ZNF366: variants seen among roughly 807,000 people sequenced by gnomAD.
ZNF366 encodes dendritic cell-specific transcript protein.
A neutral mutation model predicts 47.2 loss-of-function variants in ZNF366; 20 were observed. That is an observed-to-expected ratio of 0.42 (90% CI 0.30 to 0.62). The LOEUF is 0.62. Among genes scored for constraint, ZNF366 ranks in the 20% least tolerant of loss-of-function variants. The pLI is 0.16. For synonymous variants in ZNF366, 421 were observed against 395.1 expected (o/e 1.07, Z -0.78); for missense variants, 987 against 976.3 (o/e 1.01, Z -0.15).
In ZNF366 at chr5:72,449,248, G is replaced by GTTT. The variant is rs34857525; in HGVS notation, c.1525-1834_1525-1832dup. On this transcript the variant is annotated intron_variant, in intron 3 of 4. Coordinates refer to ENST00000318442, the MANE Select transcript of ZNF366 (RefSeq NM_152625.3). ...ACTTCTCCACCATCATGGCTGAAAG[G>GTTT]TTTTTTTTTTTTTTTGAGATGGAGT... is the stretch of plus-strand genomic sequence containing the variant. Among the ~76,000 whole-genome samples the GTTT allele has an allele frequency of 8.5e-4, 122 of 144,138 alleles. 2 individuals carry two copies. The highest frequency in any genetic ancestry group is 1.1e-3 in the Non-Finnish European group (70 of 66,180). 94.6% of individuals were successfully genotyped at this position (144,138 alleles called of 152,430 possible). A position where few individuals can be genotyped will look rare whatever the true frequency, so the allele number is the denominator to read the frequency against.
chr5:72,462,778 C>A (rs1039053337), intron 1 of ZNF366, among the ~76,000 whole-genome samples: 1 of 151,964 alleles, frequency 6.6e-6, no homozygotes, highest in Non-Finnish European at 1.5e-5. Flanking sequence ...CTTGAACTCC[C>A]GATCTCAAGT....
intron 1 of ZNF366, among the ~76,000 whole-genome samples, chr5:72,497,032 T>C (rs1276984918): frequency 6.6e-6 from 1 of 152,222 alleles, no homozygotes; most frequent in Non-Finnish European, 1.5e-5. Context: ...CAGATATTCT[T>C]AAAACAAGTC....
At chr5:72,466,580 G>A (rs1476116041) in intron 1 of ZNF366, among the ~76,000 whole-genome samples, 1 of 152,178 alleles carries the variant, frequency 6.6e-6, no homozygotes, top group Non-Finnish European at 1.5e-5. Flanking sequence ...TTTATTCACT[G>A]CTGCATCTTC....
intron 1 of ZNF366, among the ~76,000 whole-genome samples, chr5:72,478,768 G>A (rs1743725285): frequency 6.6e-6 from 1 of 152,204 alleles, no homozygotes; most frequent in South Asian, 2.1e-4. Flanking sequence ...ACCTGCCAGG[G>A]AACTGGCCAT....
At chr5:72,449,675 T>C (rs1405799150) in intron 3 of ZNF366, among the ~76,000 whole-genome samples, 1 of 152,256 alleles carries the variant, frequency 6.6e-6, no homozygotes, top group East Asian at 1.9e-4. Context: ...TTGCTGAGTA[T>C]AACCAGTATT....
At chr5:72,478,884 G>C (rs777393788) in intron 1 of ZNF366, among the ~76,000 whole-genome samples, 4 of 152,178 alleles carry the variant, frequency 2.6e-5, no homozygotes, top group Non-Finnish European at 5.9e-5. Context: ...TCAGTCCAAA[G>C]CCCAGGAACT....
chr5:72,471,758 C>T (rs565792403), intron 1 of ZNF366, among the ~76,000 whole-genome samples: 1 of 152,290 alleles, frequency 6.6e-6, no homozygotes, highest in African/African-American at 2.4e-5. Flanking sequence ...AACACTCAGA[C>T]AAAATTAGAC....
intron 1 of ZNF366, among the ~76,000 whole-genome samples, chr5:72,496,314 A>C (rs1428189295): frequency 6.6e-6 from 1 of 151,802 alleles, no homozygotes; most frequent in East Asian, 1.9e-4. Context: ...CCACCAATCT[A>C]TTTTCTGTCT....
In ZNF366 at chr5:72,461,319, G is replaced by T; in HGVS notation, c.178C>A (p.Pro60Thr). ...GGGAACCCATCTAGGTCTCCTGGGGGAGGTTCATACCGAAACTGGGAAAAT... is the reference window on the plus strand; with the variant it reads ...GGGAACCCATCTAGGTCTCCTGGGGTAGGTTCATACCGAAACTGGGAAAAT... ...GPFSQFRYEP[P>T]PGDLDGFPGV... The change falls in exon 2 of 5, where the codon CCC becomes ACC. Residue 60 changes from proline (P) to threonine (T), a missense_variant. By Grantham distance (38) the Pro-to-Thr change is conservative (BLOSUM62 -1). Coordinates refer to ENST00000318442, the MANE Select transcript of ZNF366 (RefSeq NM_152625.3). 6.2e-7 allele frequency: 1 copy of T among 1,614,078 alleles called. No individual in the cohort carries two copies. Among genetic ancestry groups the T allele is most frequent in the Non-Finnish European group, 8.5e-7 (1 of 1,180,030 alleles).
intron 1 of ZNF366, among the ~76,000 whole-genome samples, chr5:72,491,550 G>T (rs1241842053): frequency 6.6e-6 from 1 of 152,130 alleles, no homozygotes; most frequent in Non-Finnish European, 1.5e-5. Context: ...CTAAGCCACA[G>T]TTTCCTCCTG....
At chr5:72,474,461 A>T (rs1225792107) in intron 1 of ZNF366, among the ~76,000 whole-genome samples, 1 of 152,190 alleles carries the variant, frequency 6.6e-6, no homozygotes, top group South Asian at 2.1e-4. Flanking sequence ...TATATCTTGG[A>T]CAGGTTTGTA....
chr5:72,490,691 C>T (rs943228941), intron 1 of ZNF366, among the ~76,000 whole-genome samples: 19 of 152,180 alleles, frequency 1.2e-4, no homozygotes, highest in Non-Finnish European at 1.3e-4. Context: ...CTGTTGTGTG[C>T]TTTGCAGAAT....
chr5:72,480,164 G>T (rs975884828), intron 1 of ZNF366, among the ~76,000 whole-genome samples: 1 of 152,198 alleles, frequency 6.6e-6, no homozygotes, highest in African/African-American at 2.4e-5. Flanking sequence ...TTCCAAATCA[G>T]TGTGAAAGTA....
intron 1 of ZNF366, among the ~76,000 whole-genome samples, chr5:72,470,773 G>A (rs998341832): frequency 7.2e-5 from 11 of 152,164 alleles, no homozygotes; most frequent in African/African-American, 1.4e-4. Flanking sequence ...CCAACCTCGC[G>A]TAAATTAACT....
chr5:72,472,589 G>T, intron 1 of ZNF366: 3 of 984,122 alleles, frequency 3.0e-6, no homozygotes, highest in Non-Finnish European at 3.6e-6. Context: ...GTCCAAAAAT[G>T]AACTGCAGTT....
intron 4 of ZNF366, among the ~76,000 whole-genome samples, chr5:72,446,493 C>A (rs1304310080): frequency 1.3e-5 from 2 of 152,214 alleles, no homozygotes; most frequent in African/African-American, 4.8e-5. Context: ...AGCAACCCTG[C>A]TGAATTGAGT....
intron 1 of ZNF366, among the ~76,000 whole-genome samples, chr5:72,487,930 G>A (rs115169400): frequency 0.014 from 2,104 of 152,272 alleles, 41 homozygotes; most frequent in African/African-American, 0.049. Flanking sequence ...AGGGTACTGG[G>A]TGCGGTGGCT....
Position 72,440,107 on chromosome 5 carries a change from CA to C in ZNF366, c.*3648del, listed in dbSNP as rs1742826850. On this transcript the variant is annotated 3_prime_UTR_variant, in exon 5 of 5. Transcript: ENST00000318442. ...TGTTGTCCAAATATGCGAAGGATTT[CA>C]AACGTTAGCTCTGTTATATTTTGTT... The C allele has an allele frequency of 6.6e-6, 1 of 152,172 alleles. No individual in the cohort carries two copies. Among genetic ancestry groups the C allele is most frequent in the Non-Finnish European group, 1.5e-5 (1 of 68,028 alleles). 9.4% of individuals were successfully genotyped at this position (152,172 alleles called of 1,614,324 possible).
chr5:72,457,155 C>G lies in ZNF366; in HGVS notation c.1333-560G>C, dbSNP rs186044991. Among the ~76,000 whole-genome samples the G allele has an allele frequency of 3.9e-5, 6 of 152,330 alleles. No homozygotes were observed. In the East Asian group the frequency reaches 1.2e-3, roughly 29 times the overall value. On this transcript the variant is annotated intron_variant, in intron 2 of 4. Transcript: ENST00000318442. ...GTCCCCTGGGTTCCCACAGGCCACACTGACCTCCACAATGACATGGTTATG... is the reference window on the plus strand; with the variant it reads ...GTCCCCTGGGTTCCCACAGGCCACAGTGACCTCCACAATGACATGGTTATG...
Sources: gnomAD v4.1 joint callset for allele counts (sites outside exome capture counted in the v4.1 genomes callset) on GRCh38, gnomAD v4.1.1 for gene constraint, MANE v1.5 for transcripts, NCBI Gene and HGNC (gene_info 2026-07-23, HGNC 2026-07-21) for gene names.